The following CCDC171 variants were observed in gnomAD, a reference collection of about 807,000 sequenced individuals.
The protein encoded by CCDC171 is coiled-coil domain-containing protein 171.
Under a neutral mutation model 168.2 loss-of-function variants are expected in CCDC171, and 177 were observed. The observed-to-expected ratio is 1.05, with a 90% CI of 0.93 to 1.19. CCDC171 has a LOEUF of 1.19. CCDC171 is among the 50% of genes most tolerant of loss of function. The pLI, the probability that CCDC171 is intolerant of heterozygous loss-of-function variation, is 0.00. For synonymous variants in CCDC171, 687 were observed against 540.8 expected (o/e 1.27, Z -3.75); for missense variants, 1,991 against 1,539.0 (o/e 1.29, Z -4.91).
chr9:15,633,380 C>T (rs1253285877), intron 7 of CCDC171, among the ~76,000 whole-genome samples: 1 of 152,166 alleles, frequency 6.6e-6, no homozygotes, highest in Non-Finnish European at 1.5e-5. Flanking sequence ...ACAGACACTT[C>T]TGAAAAGTAG....
chr9:15,727,521 A>G (rs1183672940), intron 14 of CCDC171, among the ~76,000 whole-genome samples: 1 of 152,224 alleles, frequency 6.6e-6, no homozygotes, highest in Non-Finnish European at 1.5e-5. Context: ...TAGGCTTATA[A>G]ACAATGAGTC....
intron 3 of CCDC171, among the ~76,000 whole-genome samples, chr9:16,007,104 A>G (rs1051398480): frequency 3.3e-5 from 5 of 152,120 alleles, no homozygotes; most frequent in African/African-American, 9.7e-5. Context: ...TTGTTTCCTG[A>G]CTTTTTAATG....
chr9:15,901,834 T>C (rs1026165667), intron 24 of CCDC171, among the ~76,000 whole-genome samples: 3 of 152,192 alleles, frequency 2.0e-5, no homozygotes, highest in Non-Finnish European at 4.4e-5. Context: ...CATGAAAATA[T>C]GTATGTAACT....
At chr9:15,678,693 A>T in intron 9 of CCDC171, 65 bp from the exon 10 acceptor site, 1 of 1,341,526 alleles carries the variant, frequency 7.5e-7, no homozygotes, top group Non-Finnish European at 1.0e-6. Context: ...TATGTATTAA[A>T]GGTGTGTAAT....
intron 25 of CCDC171, among the ~76,000 whole-genome samples, chr9:15,938,883 G>T (rs1052496827): frequency 6.6e-6 from 1 of 151,576 alleles, no homozygotes; most frequent in Non-Finnish European, 1.5e-5. Flanking sequence ...ATATGAATTT[G>T]TTTGAAAAAA....
At chr9:15,882,589 C>A (rs1818797594) in intron 24 of CCDC171, among the ~76,000 whole-genome samples, 1 of 152,098 alleles carries the variant, frequency 6.6e-6, no homozygotes, top group African/African-American at 2.4e-5. Context: ...AGTGAGATAA[C>A]AATAGTGATC....
At chr9:16,026,946 T>C (rs1284943215) in intron 6 of CCDC171, among the ~76,000 whole-genome samples, 2 of 152,246 alleles carry the variant, frequency 1.3e-5, no homozygotes, top group African/African-American at 2.4e-5. Context: ...GTCTTTATAA[T>C]TTATTGCTCA....
intron 6 of CCDC171, among the ~76,000 whole-genome samples, chr9:16,031,466 C>G (rs374323473): frequency 2.6e-4 from 40 of 152,316 alleles, no homozygotes; most frequent in African/African-American, 7.7e-4. Context: ...TGGCAATAAT[C>G]TAGCCACACT....
At chr9:15,739,503 C>T (rs578077215) in intron 16 of CCDC171, among the ~76,000 whole-genome samples, 47 of 152,082 alleles carry the variant, frequency 3.1e-4, no homozygotes, top group Non-Finnish European at 5.7e-4. Context: ...TGTGTAACTT[C>T]TCTAAACCTC....
At chr9:15,587,588 C>T in intron 4 of CCDC171, 1 of 455,690 alleles carries the variant, frequency 2.2e-6, no homozygotes, top group Non-Finnish European at 4.4e-6. Flanking sequence ...GAGGAAGAAC[C>T]TAATGATACT....
rs759127038 is a variant in CCDC171 at position 15,891,507 on chromosome 9, G to A, written c.3600+16844G>A. 2.2e-4 allele frequency among the ~76,000 whole-genome samples: 34 copies of A among 152,258 alleles called. 1 individual carries two copies. The highest frequency in any genetic ancestry group is 7.7e-4 in the African/African-American group (32 of 41,556). ...TAGGTCGATTATGGAACAGACACAC[G>A]GGAGGTGCTGGTTATCACTTTGTTT... On this transcript the variant is annotated intron_variant, in intron 24 of 25. Transcript: ENST00000380701.
intron 7 of CCDC171, among the ~76,000 whole-genome samples, chr9:15,646,706 C>T (rs951028255): frequency 2.0e-5 from 3 of 152,140 alleles, no homozygotes; most frequent in African/African-American, 4.8e-5. Flanking sequence ...GCTAACTATC[C>T]TAAATATATA....
intron 21 of CCDC171, among the ~76,000 whole-genome samples, chr9:15,816,084 A>G (rs1006769438): frequency 8.5e-6 from 1 of 118,004 alleles, no homozygotes; most frequent in African/African-American, 3.1e-5. Context: ...TGTGTTTATT[A>G]TGATGTCCTA....
chr9:15,677,855 G>GTATATATATATATGTGTGTGTGTCA (rs201308668), intron 9 of CCDC171, among the ~76,000 whole-genome samples: 3 of 66,578 alleles, frequency 4.5e-5, no homozygotes, highest in African/African-American at 1.7e-4. Context: ...GTGTGTGTAT[G>GTATATATATATATGTGTGTGTGTCA]TATATATATA....
At chr9:15,825,830 A>G (rs1288088321) in intron 21 of CCDC171, among the ~76,000 whole-genome samples, 3 of 152,162 alleles carry the variant, frequency 2.0e-5, no homozygotes, top group African/African-American at 7.2e-5. Flanking sequence ...TACTAGTTGA[A>G]GTTCAGTTCA....
intron 25 of CCDC171, among the ~76,000 whole-genome samples, chr9:15,944,705 T>C (rs927326880): frequency 1.3e-5 from 2 of 151,284 alleles, no homozygotes; most frequent in Admixed American, 1.3e-4. Context: ...ATTTCCTTTA[T>C]GTTATAATCA....
At chr9:16,033,848 C>T (rs528380753) in intron 6 of CCDC171, among the ~76,000 whole-genome samples, 4 of 152,160 alleles carry the variant, frequency 2.6e-5, no homozygotes, top group Non-Finnish European at 4.4e-5. Flanking sequence ...GTTCTCCCAA[C>T]ATCCTATGCT....
At chr9:15,641,671 A>ACC (rs2046616019) in intron 7 of CCDC171, among the ~76,000 whole-genome samples, 1 of 151,520 alleles carries the variant, frequency 6.6e-6, no homozygotes, top group Non-Finnish European at 1.5e-5. Flanking sequence ...AAGACTGAAA[A>ACC]CCCCCTTTTC....
At chr9:15,799,997 A>G (rs1227032255) in intron 21 of CCDC171, among the ~76,000 whole-genome samples, 4 of 152,112 alleles carry the variant, frequency 2.6e-5, no homozygotes, top group Non-Finnish European at 2.9e-5. Flanking sequence ...GTGTATAAGT[A>G]CCACATTTTC....
Sources: gnomAD v4.1 joint callset for allele counts (sites outside exome capture counted in the v4.1 genomes callset) on GRCh38, gnomAD v4.1.1 for gene constraint, MANE v1.5 for transcripts, NCBI Gene and HGNC (gene_info 2026-07-23, HGNC 2026-07-21) for gene names.